Variants in HPSE2 observed in about 807,000 individuals in gnomAD.
HPSE2 encodes the protein heparanase 2 (inactive).
HPSE2 carries 38 observed loss-of-function variants against 60.5 expected under a neutral mutation model. The observed-to-expected ratio is 0.63, with a 90% CI of 0.48 to 0.82. The LOEUF (loss-of-function observed/expected upper bound fraction) is 0.82, where lower values mean the gene tolerates loss of function less well. HPSE2 is among the 40% of genes least tolerant of loss of function. The pLI is 0.00. For synonymous variants in HPSE2, 295 were observed against 293.2 expected, an observed-to-expected ratio of 1.01 and a Z score of -0.06; for missense variants, 713 against 740.4, an observed-to-expected ratio of 0.96 and a Z score of 0.43.
intron 3 of HPSE2, among the ~76,000 whole-genome samples, chr10:98,761,340 C>A (rs552382513): frequency 1.3e-5 from 2 of 152,140 alleles, no homozygotes; most frequent in Admixed American, 6.5e-5. Context: ...CAACTCCTAG[C>A]TTTCTTGATC....
chr10:99,088,454 G>A (rs889449003), intron 3 of HPSE2, among the ~76,000 whole-genome samples: 1 of 151,998 alleles, frequency 6.6e-6, no homozygotes, highest in Non-Finnish European at 1.5e-5. Flanking sequence ...AGAACATAAC[G>A]TTTGGTTTTC....
chr10:99,255,807 G>A, the HPSE2 span, among the ~76,000 whole-genome samples: 1 of 152,196 alleles, frequency 6.6e-6, no homozygotes, highest in Non-Finnish European at 1.5e-5. Context: ...AAAAGCATAT[G>A]TTGGAAACTT....
chr10:99,220,023 C>A (rs990997413), intron 2 of HPSE2, among the ~76,000 whole-genome samples: 2 of 152,138 alleles, frequency 1.3e-5, no homozygotes, highest in Non-Finnish European at 2.9e-5. Context: ...AGCCAAAAAT[C>A]AAAACAATGT....
chr10:98,652,679 T>A (rs558203233), intron 6 of HPSE2, among the ~76,000 whole-genome samples: 1 of 152,226 alleles, frequency 6.6e-6, no homozygotes, highest in Admixed American at 6.5e-5. Context: ...CTACAAGGTC[T>A]ACATGACTGG....
intron 3 of HPSE2, among the ~76,000 whole-genome samples, chr10:98,933,096 T>C (rs1954687054): frequency 6.9e-6 from 1 of 143,894 alleles, no homozygotes; most frequent in Non-Finnish European, 1.5e-5. Flanking sequence ...TTGATGTGAG[T>C]ATTTAGTACT....
intron 7 of HPSE2, among the ~76,000 whole-genome samples, chr10:98,630,672 C>T (rs1946345404): frequency 6.6e-6 from 1 of 152,060 alleles, no homozygotes; most frequent in Non-Finnish European, 1.5e-5. Context: ...TACCTCTGAC[C>T]TTGACCTTAT....
At chr10:98,549,187 T>C (rs596433) in intron 9 of HPSE2, among the ~76,000 whole-genome samples, 149,249 of 152,242 alleles carry the variant, frequency 0.98, 73,230 homozygotes, top group East Asian at 1. Flanking sequence ...CTGTCTCTCA[T>C]AGAGAGACAT....
chr10:98,567,800 G>A (rs1057293246), intron 9 of HPSE2, among the ~76,000 whole-genome samples: 2 of 151,982 alleles, frequency 1.3e-5, no homozygotes, highest in Non-Finnish European at 2.9e-5. Context: ...AAATTGTGTA[G>A]CACTTGCCTC....
intron 3 of HPSE2, among the ~76,000 whole-genome samples, chr10:98,845,556 T>C (rs1191433089): frequency 6.6e-6 from 1 of 152,218 alleles, no homozygotes; most frequent in Non-Finnish European, 1.5e-5. Context: ...TCTAAAAATG[T>C]TATGAGCAAT....
Position 98,532,158 on chromosome 10 carries a change from G to A in HPSE2, c.1321-41962C>T, listed in dbSNP as rs148203876. The stretch of plus-strand genomic sequence containing the variant: ...TGACAGACCCCTAATCTATCGCTAG[G>A]GCTGAGAAGCTCTTTGAGAGCTTGG... On this transcript the variant is annotated intron_variant, in intron 9 of 11. Coordinates refer to ENST00000370552, the MANE Select transcript of HPSE2 (RefSeq NM_021828.5). 2.6e-3 allele frequency among the ~76,000 whole-genome samples: 403 copies of A among 152,164 alleles called. 2 individuals are homozygous for A. Among genetic ancestry groups the A allele is most frequent in the African/African-American group, 9.2e-3 (380 of 41,514 alleles).
At chr10:99,020,458 T>C (rs1957238199) in intron 3 of HPSE2, among the ~76,000 whole-genome samples, 1 of 152,200 alleles carries the variant, frequency 6.6e-6, no homozygotes, top group African/African-American at 2.4e-5. Flanking sequence ...TTTTACTCTG[T>C]ATCCTAGTGC....
chr10:98,461,820 C>G lies in HPSE2; in HGVS notation c.1614-2081G>C, dbSNP rs763318916. 7.5e-6 allele frequency: 12 copies of G among 1,593,428 alleles called. No individual in the cohort carries two copies. The African/African-American group carries it at 1.6e-4, about 21-fold the overall frequency. On this transcript the variant is annotated intron_variant, in intron 11 of 11. Transcript: ENST00000370552. ...CCCACAGTATTGACATCTTTGGGTT[C>G]TGGGGAGTGCAAAACAACGTGTGAT...
At chr10:98,500,525 G>A (rs374401417) in intron 9 of HPSE2, among the ~76,000 whole-genome samples, 21 of 152,160 alleles carry the variant, frequency 1.4e-4, no homozygotes, top group African/African-American at 4.3e-4. Context: ...CAGCAAAGGC[G>A]GTGCTAAGAG....
At chr10:99,279,941 G>A in the HPSE2 span, among the ~76,000 whole-genome samples, 1 of 152,162 alleles carries the variant, frequency 6.6e-6, no homozygotes, top group African/African-American at 2.4e-5. Flanking sequence ...TGATGTCAGA[G>A]GAGACCCAGA....
chr10:98,752,745 G>T (rs1433897170), intron 3 of HPSE2, among the ~76,000 whole-genome samples: 1 of 152,126 alleles, frequency 6.6e-6, no homozygotes, highest in African/African-American at 2.4e-5. Flanking sequence ...GCACTCCCAT[G>T]TTTATCACAG....
At chr10:98,774,398 G>T (rs1950299310) in intron 3 of HPSE2, among the ~76,000 whole-genome samples, 1 of 152,028 alleles carries the variant, frequency 6.6e-6, no homozygotes, top group African/African-American at 2.4e-5. Flanking sequence ...AACAAAAAAA[G>T]TAGTATTCTG....
intron 3 of HPSE2, among the ~76,000 whole-genome samples, chr10:99,056,371 G>A (rs535829212): frequency 1.3e-5 from 2 of 152,170 alleles, no homozygotes; most frequent in African/African-American, 4.8e-5. Context: ...ATTCAACCTT[G>A]AAGGAAGGCT....
chr10:98,940,772 C>G (rs1238297641), intron 3 of HPSE2, among the ~76,000 whole-genome samples: 1 of 142,284 alleles, frequency 7.0e-6, no homozygotes, highest in Admixed American at 7.0e-5. Context: ...TGGGCAGAGA[C>G]ACAACCAAAA....
chr10:98,503,136 C>T (rs868578271), intron 9 of HPSE2, among the ~76,000 whole-genome samples: 3 of 149,866 alleles, frequency 2.0e-5, no homozygotes, highest in South Asian at 2.1e-4. Flanking sequence ...TGCTGGAACC[C>T]GGGAGGTGGA....
Sources: gnomAD v4.1 joint callset for allele counts (sites outside exome capture counted in the v4.1 genomes callset) on GRCh38, gnomAD v4.1.1 for gene constraint, MANE v1.5 for transcripts, NCBI Gene and HGNC (gene_info 2026-07-23, HGNC 2026-07-21) for gene names.